The following ADAM18 variants were observed in gnomAD, a reference collection of about 807,000 sequenced individuals.
The protein encoded by ADAM18 is ADAM metallopeptidase domain 18.
ADAM18 carries 117 observed loss-of-function variants against 94.4 expected under a neutral mutation model. The ratio of observed to expected loss-of-function variants is 1.24; its 90% CI spans 1.07 to 1.45. The LOEUF (loss-of-function observed/expected upper bound fraction) is 1.45. Ranked by LOEUF, ADAM18 falls within the 40% of genes most tolerant of loss-of-function variation. The probability of loss-of-function intolerance (pLI) is 0.00; values close to 1 mark genes in which losing one functional copy is unlikely to be tolerated. For synonymous variants in ADAM18, 327 were observed against 291.6 expected, an observed-to-expected ratio of 1.12 and a Z score of -1.24; for missense variants, 936 against 880.0, an observed-to-expected ratio of 1.06 and a Z score of -0.81.
rs902716702 is a variant in ADAM18, at chr8:39,625,133, A to G, written c.523-4241A>G. On this transcript the variant is annotated intron_variant, in intron 6 of 19. Transcript: ENST00000265707. ...CTTGAATATGTAGATTGCTTTCGGCAGTATGGTAATTTTCACAATGTTGAT... is the reference window on the plus strand; with the variant it reads ...CTTGAATATGTAGATTGCTTTCGGCGGTATGGTAATTTTCACAATGTTGAT... Among the ~76,000 whole-genome samples the G allele has an allele frequency of 7.2e-5, 11 of 152,246 alleles. No homozygotes were observed. The South Asian group carries it at 2.1e-3, about 29-fold the overall frequency.
At chr8:39,690,115 G>C (rs1206559997) in intron 16 of ADAM18, among the ~76,000 whole-genome samples, 1 of 152,196 alleles carries the variant, frequency 6.6e-6, no homozygotes, top group Admixed American at 6.5e-5. Flanking sequence ...TGCGCTGAGA[G>C]GATGGTCCTT....
intron 17 of ADAM18, among the ~76,000 whole-genome samples, chr8:39,699,037 C>A (rs187202930): frequency 6.6e-6 from 1 of 152,140 alleles, no homozygotes; most frequent in East Asian, 1.9e-4. Flanking sequence ...CCAACCCCTG[C>A]ATTTCAAGAA....
intron 7 of ADAM18, among the ~76,000 whole-genome samples, chr8:39,633,103 G>C (rs550939890): frequency 1.3e-5 from 2 of 152,236 alleles, no homozygotes; most frequent in East Asian, 3.9e-4. Context: ...GTCCTCACCA[G>C]ACCTGTTTGT....
rs560502710 is a variant in ADAM18 at position 39,626,107 on chromosome 8, G to C, written c.523-3267G>C. Among the ~76,000 whole-genome samples, 9 of 152,206 alleles carry C rather than the reference G, an allele frequency of 5.9e-5. No homozygotes were observed. In the South Asian group the frequency reaches 1.9e-3, roughly 32 times the overall value. ...AATCTCACTGATGGATATTGGTCTAGTCAGGATTTCTATTTCATCTTGATT... is the reference window on the plus strand; with the variant it reads ...AATCTCACTGATGGATATTGGTCTACTCAGGATTTCTATTTCATCTTGATT... On this transcript the variant is annotated intron_variant, in intron 6 of 19. Transcript: ENST00000265707.
intron 6 of ADAM18, among the ~76,000 whole-genome samples, chr8:39,612,477 CAGAG>C (rs1819308128): frequency 6.6e-6 from 1 of 152,132 alleles, no homozygotes; most frequent in Admixed American, 6.5e-5. Flanking sequence ...CTTGATCTGG[CAGAG>C]AGAGCTGCTT....
Position 39,610,645 on chromosome 8 carries a change from C to T in ADAM18, c.461C>T (p.Ala154Val). 6.2e-7 allele frequency: 1 copy of T among 1,612,796 alleles called. No individual in the cohort carries two copies. The highest frequency in any genetic ancestry group is 8.5e-7 in the Non-Finnish European group (1 of 1,179,194). ...AATGATCCAAATGTATCCATTTTAG[C>T]AGTAAATTACAGTCATATTTGGCAG... ...KNNDPNVSIL[A>V]VNYSHIWQKD... The change falls in exon 6 of 20, where the codon GCA becomes GTA. Residue 154 changes from alanine (A) to valine (V), a missense_variant. By Grantham distance (64) the Ala-to-Val change is moderately conservative. Transcript: ENST00000265707.
chr8:39,629,444 G>A lies in ADAM18; in HGVS notation c.588+5G>A. The A allele has an allele frequency of 6.4e-7, 1 of 1,564,226 alleles. No homozygotes were observed. Among genetic ancestry groups the A allele is most frequent in the Non-Finnish European group, 8.7e-7 (1 of 1,152,282 alleles). On this transcript the variant is annotated splice_donor_5th_base_variant and intron_variant, in intron 7 of 19. Transcript: ENST00000265707. Reference sequence around the variant, plus strand: ...ATTATAGTGGAAAAAGCTTTGGTAAGTATGCTTTCAAGAGGTCTTTCAAGA... The same window carrying A: ...ATTATAGTGGAAAAAGCTTTGGTAAATATGCTTTCAAGAGGTCTTTCAAGA...
At chr8:39,637,769 A>G in intron 9 of ADAM18, 66 bp downstream of exon 9, 1 of 1,391,274 alleles carries the variant, frequency 7.2e-7, no homozygotes, top group Non-Finnish European at 9.5e-7. Context: ...AATTTAGTGA[A>G]TTTATTGCGT....
At chr8:39,649,971 C>T (rs1432513174) in intron 12 of ADAM18, among the ~76,000 whole-genome samples, 1 of 152,104 alleles carries the variant, frequency 6.6e-6, no homozygotes, top group Non-Finnish European at 1.5e-5. Context: ...GTCCATGCTG[C>T]TTTTGTGCTA....
chr8:39,702,294 T>C (rs1287048248), intron 17 of ADAM18, among the ~76,000 whole-genome samples: 1 of 152,248 alleles, frequency 6.6e-6, no homozygotes, highest in Non-Finnish European at 1.5e-5. Flanking sequence ...TATGTCTTTT[T>C]TGAAAAGTTT....
In ADAM18 at chr8:39,637,005, C is replaced by T. The variant is rs572437950; in HGVS notation, c.589-259C>T. ...CATATTCAAGGCTTAATAATATTTC[C>T]GCATGTGTGTATTTTATATATATAT... On this transcript the variant is annotated intron_variant, in intron 7 of 19. Coordinates refer to ENST00000265707, the MANE Select transcript of ADAM18 (RefSeq NM_014237.3). Among the ~76,000 whole-genome samples the T allele has an allele frequency of 6.6e-4, 87 of 132,536 alleles. 1 individual carries two copies. Among genetic ancestry groups the T allele is most frequent in the African/African-American group, 2.2e-3 (80 of 35,716 alleles). 86.9% of individuals were successfully genotyped at this position (132,536 alleles called of 152,430 possible).
At chr8:39,725,731 C>T (rs531568131) in intron 19 of ADAM18, among the ~76,000 whole-genome samples, 128 of 152,216 alleles carry the variant, frequency 8.4e-4, no homozygotes, top group South Asian at 2.3e-3. Flanking sequence ...ACATTTGGCA[C>T]ATTTTCTTTA....
At chr8:39,695,185 G>A (rs1409606440) in intron 17 of ADAM18, among the ~76,000 whole-genome samples, 1 of 151,498 alleles carries the variant, frequency 6.6e-6, no homozygotes, top group South Asian at 2.1e-4. Flanking sequence ...GAATAATGTT[G>A]CTATAAACAC....
intron 17 of ADAM18, among the ~76,000 whole-genome samples, chr8:39,698,419 CT>C (rs1445130726): frequency 1.3e-5 from 2 of 151,828 alleles, no homozygotes; most frequent in Non-Finnish European, 2.9e-5. Context: ...GATAACTCCA[CT>C]TTTTTCCTGG....
intron 17 of ADAM18, among the ~76,000 whole-genome samples, chr8:39,706,401 T>A (rs1822242856): frequency 6.6e-6 from 1 of 152,132 alleles, no homozygotes; most frequent in Non-Finnish European, 1.5e-5. Flanking sequence ...TCTATAGACA[T>A]TGAAGTGCAT....
At chr8:39,721,275 G>C (rs1326792793) in intron 18 of ADAM18, among the ~76,000 whole-genome samples, 2 of 151,306 alleles carry the variant, frequency 1.3e-5, no homozygotes. Flanking sequence ...ACTCAAGACA[G>C]GTTAACAACT....
At chr8:39,695,365 G>T (rs1821893299) in intron 17 of ADAM18, among the ~76,000 whole-genome samples, 1 of 151,552 alleles carries the variant, frequency 6.6e-6, no homozygotes, top group South Asian at 2.1e-4. Context: ...AACAGTGAAT[G>T]AGAGTTCTTG....
chr8:39,600,348 C>T, intron 2 of ADAM18, among the ~76,000 whole-genome samples: 1 of 152,102 alleles, frequency 6.6e-6, no homozygotes, highest in East Asian at 1.9e-4. Context: ...GAGAAGTTGT[C>T]TAGATATTTC....
At chr8:39,681,356 C>T (rs1214268437) in intron 16 of ADAM18, among the ~76,000 whole-genome samples, 9 of 152,142 alleles carry the variant, frequency 5.9e-5, no homozygotes, top group Admixed American at 2.6e-4. Flanking sequence ...CTTTGCAAGT[C>T]GGACCAACAG....
Sources: allele counts gnomAD v4.1 joint callset (sites outside exome capture counted in the v4.1 genomes callset), GRCh38; gene constraint gnomAD v4.1.1; transcripts MANE v1.5; gene names NCBI Gene and HGNC (gene_info 2026-07-23, HGNC 2026-07-21).